Variants in NUP42 observed in about 807,000 individuals in gnomAD.
NUP42 encodes the protein nucleoporin NUP42.
Under a neutral mutation model 35.9 loss-of-function variants are expected in NUP42, and 47 were observed. That is an observed-to-expected ratio of 1.31 (90% CI 1.04 to 1.67). NUP42 has a LOEUF of 1.67. NUP42 is among the 40% of genes most tolerant of loss of function. NUP42 has a pLI of 0.00. For synonymous variants in NUP42, 173 were observed against 173.3 expected (o/e 1.00, Z 0.01); for missense variants, 514 against 492.2 (o/e 1.04, Z -0.42).
intron 3 of NUP42, among the ~76,000 whole-genome samples, chr7:23,187,853 G>A (rs902897707): frequency 2.6e-5 from 4 of 151,776 alleles, no homozygotes; most frequent in African/African-American, 7.3e-5. Flanking sequence ...TGATCCGCCC[G>A]CCACAGGCTC....
chr7:23,193,235 A>C (rs757399256), intron 3 of NUP42, among the ~76,000 whole-genome samples: 4 of 152,172 alleles, frequency 2.6e-5, no homozygotes, highest in Admixed American at 6.5e-5. Context: ...AAAAGAACGA[A>C]GCTTCCACAG....
At chr7:23,196,057 T>C (rs1786001586) in intron 4 of NUP42, 142 bp downstream of exon 4, 1 of 398,882 alleles carries the variant, frequency 2.5e-6, no homozygotes, top group Admixed American at 4.4e-5. Context: ...TTCTATATTA[T>C]TTTCATTGAA....
intron 3 of NUP42, among the ~76,000 whole-genome samples, chr7:23,188,811 A>T (rs2128473217): frequency 6.6e-6 from 1 of 152,328 alleles, no homozygotes; most frequent in East Asian, 1.9e-4. Context: ...GCCATTTTTC[A>T]CTGTGTTGAC....
At chr7:23,199,683 C>T in intron 6 of NUP42, 141 bp downstream of exon 6, 1 of 718,390 alleles carries the variant, frequency 1.4e-6, no homozygotes, top group East Asian at 2.7e-5. Flanking sequence ...AAGCATTTGA[C>T]TCATTAGACA....
At chr7:23,188,979 T>G (rs1249332023) in intron 3 of NUP42, among the ~76,000 whole-genome samples, 4 of 152,222 alleles carry the variant, frequency 2.6e-5, no homozygotes, top group African/African-American at 4.8e-5. Flanking sequence ...TAAAAATTAT[T>G]AATTTTGTTA....
chr7:23,193,799 A>T (rs1785903257), intron 3 of NUP42, among the ~76,000 whole-genome samples: 1 of 152,166 alleles, frequency 6.6e-6, no homozygotes, highest in Non-Finnish European at 1.5e-5. Context: ...CTCCTCGTGG[A>T]GGCTCAGGCT....
intron 3 of NUP42, among the ~76,000 whole-genome samples, chr7:23,194,106 TC>T (rs1455321688): frequency 6.6e-6 from 1 of 152,104 alleles, no homozygotes; most frequent in East Asian, 1.9e-4. Flanking sequence ...CTCGCGCCTC[TC>T]CCTCCACACC....
chr7:23,184,542 A>G (rs546443968), intron 1 of NUP42, among the ~76,000 whole-genome samples: 1 of 152,250 alleles, frequency 6.6e-6, no homozygotes, highest in East Asian at 1.9e-4. Flanking sequence ...TCTCAATCTC[A>G]AACAAAAATG....
Position 23,185,229 on chromosome 7 carries a change from G to T in NUP42, c.281G>T (p.Gly94Val), listed in dbSNP as rs144835773. 298 of 1,613,970 alleles carry T rather than the reference G, an allele frequency of 1.8e-4. 2 individuals are homozygous for T. Among genetic ancestry groups the T allele is most frequent in the Non-Finnish European group, 2.5e-5 (30 of 1,180,028 alleles). The change falls in exon 2 of 7, where the codon GGC becomes GTC. Residue 94 changes from glycine to valine, a missense_variant. Coordinates refer to ENST00000258742, the MANE Select transcript of NUP42 (RefSeq NM_007342.3). ...DSGASTNRKE[G>V]FGLSENPFAS... ...GGAGCTTCAACTAACAGGAAGGAAG[G>T]CTTTGGATTGTCTGAGAACCCATTT...
At chr7:23,190,470 TAA>T (rs1457312370) in intron 3 of NUP42, among the ~76,000 whole-genome samples, 6 of 152,268 alleles carry the variant, frequency 3.9e-5, no homozygotes, top group Non-Finnish European at 5.9e-5. Flanking sequence ...GAATTAATAC[TAA>T]GTTTCTCAGT....
chr7:23,187,153 GA>G lies in NUP42; in HGVS notation c.445+12del. 1.3e-6 allele frequency: 2 copies of G among 1,561,372 alleles called. No homozygotes were observed. The highest frequency in any genetic ancestry group is 1.8e-6 in the Non-Finnish European group (2 of 1,141,110). On this transcript the variant is annotated splice_region_variant and intron_variant, in intron 3 of 6. Transcript: ENST00000258742. The stretch of plus-strand genomic sequence containing the variant: ...AAGAAACCTAATATTTCAGGTAACT[GA>G]AAAATTGTGCATTTTTAAAGTATGT...
At chr7:23,198,885 C>T (rs1026524344) in intron 5 of NUP42, among the ~76,000 whole-genome samples, 8 of 152,006 alleles carry the variant, frequency 5.3e-5, no homozygotes, top group Non-Finnish European at 1.0e-4. Flanking sequence ...AATATCTGCT[C>T]ATTGTAGAAA....
intron 1 of NUP42, among the ~76,000 whole-genome samples, chr7:23,184,639 T>G (rs777550520): frequency 1.5e-4 from 23 of 152,208 alleles, no homozygotes; most frequent in East Asian, 3.8e-4. Flanking sequence ...TAAAATGAGT[T>G]TAAATGTAGT....
chr7:23,187,807 T>C (rs1049990522), intron 3 of NUP42, among the ~76,000 whole-genome samples: 2 of 151,556 alleles, frequency 1.3e-5, no homozygotes, highest in African/African-American at 4.8e-5. Context: ...GGTTTTACCA[T>C]GTTGGCCAGT....
intron 6 of NUP42, among the ~76,000 whole-genome samples, chr7:23,199,746 T>C (rs577255979): frequency 1.3e-4 from 20 of 152,358 alleles, no homozygotes; most frequent in African/African-American, 4.8e-4. Context: ...ACTTAAGCTT[T>C]AGAAGTACAT....
At chr7:23,185,809 G>A (rs146635675) in intron 2 of NUP42, among the ~76,000 whole-genome samples, 2,412 of 152,174 alleles carry the variant, frequency 0.016, 50 homozygotes, top group African/African-American at 0.049. Flanking sequence ...GTACAATCTC[G>A]GCTCGCTGCA....
chr7:23,183,402 G>T (rs563867846), intron 1 of NUP42, among the ~76,000 whole-genome samples: 5 of 152,050 alleles, frequency 3.3e-5, no homozygotes, highest in Non-Finnish European at 7.4e-5. Context: ...TGTATTTTTA[G>T]TAGAGACAGG....
chr7:23,192,907 C>G (rs967162487), intron 3 of NUP42, among the ~76,000 whole-genome samples: 1 of 152,214 alleles, frequency 6.6e-6, no homozygotes, highest in African/African-American at 2.4e-5. Flanking sequence ...AATGAAGCCA[C>G]GGACCCTCGC....
In NUP42 at chr7:23,199,476, G is replaced by C; in HGVS notation, c.628G>C (p.Gly210Arg). The C allele has an allele frequency of 6.2e-7, 1 of 1,613,968 alleles. No individual in the cohort carries two copies. Among genetic ancestry groups the C allele is most frequent in the Non-Finnish European group, 8.5e-7 (1 of 1,179,926 alleles). Residue 210 changes from glycine to arginine, a missense_variant, in exon 6 of 7, where the codon GGA becomes CGA. Gly to Arg is a moderately radical substitution (Grantham distance 125). Coordinates refer to ENST00000258742, the MANE Select transcript of NUP42 (RefSeq NM_007342.3). ...TTTTCAGCTCTCTGATGTAAAGGAT[G>C]GAGTAAATCAAGCAGCACCTGCATT... is the stretch of plus-strand genomic sequence containing the variant. The part of the protein sequence containing the change: ...KVALLSDVKD[G>R]VNQAAPAFGF...
Sources: gnomAD v4.1 joint callset for allele counts (sites outside exome capture counted in the v4.1 genomes callset) on GRCh38, gnomAD v4.1.1 for gene constraint, MANE v1.5 for transcripts, NCBI Gene and HGNC (gene_info 2026-07-23, HGNC 2026-07-21) for gene names.